The following MICAL3 variants were observed in gnomAD, a reference collection of about 807,000 sequenced individuals.
The protein encoded by MICAL3 is [F-actin]-monooxygenase MICAL3.
MICAL3 carries 62 observed loss-of-function variants against 207.4 expected under a neutral mutation model. The observed-to-expected ratio is 0.30, with a 90% CI of 0.24 to 0.37. MICAL3 has a LOEUF of 0.37. MICAL3 is among the 10% of genes least tolerant of loss of function. The probability of loss-of-function intolerance (pLI) is 1.00; values close to 1 mark genes in which losing one functional copy is unlikely to be tolerated. For synonymous variants in MICAL3, 1,077 were observed against 1,069.3 expected (o/e 1.01, Z -0.14); for missense variants, 2,368 against 2,635.6 (o/e 0.90, Z 2.22).
intron 1 of MICAL3, among the ~76,000 whole-genome samples, chr22:17,985,224 G>A (rs573840560): frequency 0.014 from 2,084 of 152,244 alleles, 38 homozygotes; most frequent in African/African-American, 0.045. Flanking sequence ...GTCCGGCCAG[G>A]GAGGGGACAG....
At chr22:17,884,242 C>T (rs1200142117) in intron 16 of MICAL3, 6 of 1,503,782 alleles carry the variant, frequency 4.0e-6, no homozygotes, top group Admixed American at 1.8e-5. Context: ...CCTGGAGAGA[C>T]AGCACCCATC....
intron 29 of MICAL3, among the ~76,000 whole-genome samples, chr22:17,808,223 G>C (rs966519822): frequency 6.6e-6 from 1 of 152,246 alleles, no homozygotes; most frequent in South Asian, 2.1e-4. Context: ...CAGCAGTCAC[G>C]AGCACAGGGC....
At chr22:17,952,696 C>T (rs950821564) in intron 1 of MICAL3, among the ~76,000 whole-genome samples, 6 of 149,632 alleles carry the variant, frequency 4.0e-5, no homozygotes, top group East Asian at 1.9e-4. Flanking sequence ...TCCACACAGG[C>T]GGGGCGTCAG....
At chr22:17,831,670 C>G (rs573640722) in intron 21 of MICAL3, among the ~76,000 whole-genome samples, 184 bp downstream of exon 21, 1 of 152,190 alleles carries the variant, frequency 6.6e-6, no homozygotes, top group Non-Finnish European at 1.5e-5. Flanking sequence ...CACTGCCAAC[C>G]GCCTGCTCAA....
chr22:17,854,626 C>T (rs1179343415), intron 19 of MICAL3, among the ~76,000 whole-genome samples: 3 of 152,188 alleles, frequency 2.0e-5, no homozygotes. Flanking sequence ...CACCTGCACC[C>T]CAAGTAGCTG....
chr22:17,992,940 C>A (rs565641351), intron 1 of MICAL3, among the ~76,000 whole-genome samples: 1 of 152,142 alleles, frequency 6.6e-6, no homozygotes, highest in African/African-American at 2.4e-5. Flanking sequence ...AGTCTGGCCA[C>A]GGTAAGGCGA....
chr22:17,970,521 T>G (rs1935362144), intron 1 of MICAL3, among the ~76,000 whole-genome samples: 1 of 152,248 alleles, frequency 6.6e-6, no homozygotes, highest in Non-Finnish European at 1.5e-5. Flanking sequence ...TGGGCTTCTG[T>G]GCTTTTTAGT....
intron 1 of MICAL3, among the ~76,000 whole-genome samples, chr22:17,975,529 C>T (rs1602327520): frequency 6.6e-6 from 1 of 152,058 alleles, no homozygotes; most frequent in Admixed American, 6.5e-5. Flanking sequence ...CCCCCAGCTA[C>T]AGGACTTATA....
intron 16 of MICAL3, chr22:17,876,812 G>A (rs1186840518): frequency 2.9e-4 from 36 of 123,258 alleles, no homozygotes; most frequent in African/African-American, 9.4e-4. Context: ...TGGAGGTTAG[G>A]GAGGTTAGGG....
intron 1 of MICAL3, among the ~76,000 whole-genome samples, chr22:17,989,875 G>C (rs753648075): frequency 1.3e-5 from 2 of 152,172 alleles, no homozygotes; most frequent in Non-Finnish European, 2.9e-5. Flanking sequence ...TAGCATGCTT[G>C]TTTTCCCGAA....
chr22:17,847,411 T>C (rs1488334087), intron 19 of MICAL3, among the ~76,000 whole-genome samples: 1 of 152,162 alleles, frequency 6.6e-6, no homozygotes, highest in Non-Finnish European at 1.5e-5. Flanking sequence ...GTAAGTAGGA[T>C]GGCTGCAGGG....
chr22:17,924,113 A>ACCTCCCACCAGGTC (rs1226659017), intron 1 of MICAL3, among the ~76,000 whole-genome samples: 2 of 152,116 alleles, frequency 1.3e-5, no homozygotes, highest in Non-Finnish European at 2.9e-5. Flanking sequence ...TGATTCAATT[A>ACCTCCCACCAGGTC]CCTCCCACCA....
intron 22 of MICAL3, among the ~76,000 whole-genome samples, chr22:17,825,270 A>G (rs570054050): frequency 6.6e-6 from 1 of 152,306 alleles, no homozygotes; most frequent in Admixed American, 6.5e-5. Flanking sequence ...AAAAAAAAAT[A>G]AACAGGTGAG....
At chr22:17,916,702 G>A (rs1932542165) in intron 1 of MICAL3, among the ~76,000 whole-genome samples, 1 of 152,028 alleles carries the variant, frequency 6.6e-6, no homozygotes. Context: ...CAGGACAAGG[G>A]GACACTACTC....
chr22:17,890,985 G>C (rs966941556), intron 12 of MICAL3, among the ~76,000 whole-genome samples: 3 of 152,232 alleles, frequency 2.0e-5, no homozygotes, highest in African/African-American at 7.2e-5. Flanking sequence ...CTTTAACACA[G>C]AGAAAATACC....
chr22:18,020,947 A>AATAT (rs1307688387), intron 1 of MICAL3, among the ~76,000 whole-genome samples: 6 of 151,020 alleles, frequency 4.0e-5, no homozygotes, highest in Non-Finnish European at 8.8e-5. Context: ...TAAATAAATA[A>AATAT]ATAAATAAAT....
At chr22:17,827,907 A>C in intron 21 of MICAL3, 126 bp from the exon 22 acceptor site, 12 of 1,009,960 alleles carry the variant, frequency 1.2e-5, no homozygotes, top group Non-Finnish European at 1.4e-5. Flanking sequence ...GAAAGAAGTA[A>C]AAATTAAGAA....
chr22:17,836,361 A>T (rs1252472372), intron 20 of MICAL3, among the ~76,000 whole-genome samples: 1 of 152,214 alleles, frequency 6.6e-6, no homozygotes, highest in Non-Finnish European at 1.5e-5. Flanking sequence ...CTGCTTTTAT[A>T]AATGACAAGA....
chr22:17,827,558 C>A (rs1922334203), intron 22 of MICAL3, 86 bp downstream of exon 22: 1 of 1,441,498 alleles, frequency 6.9e-7, no homozygotes, highest in African/African-American at 1.4e-5. Context: ...GTGGCTCTGC[C>A]CTGACAGAAA....
Sources: allele counts gnomAD v4.1 joint callset (sites outside exome capture counted in the v4.1 genomes callset), GRCh38; gene constraint gnomAD v4.1.1; transcripts MANE v1.5; gene names NCBI Gene and HGNC (gene_info 2026-07-23, HGNC 2026-07-21).